RAB22A: variants seen among roughly 807,000 people sequenced by gnomAD.
The protein encoded by RAB22A is ras-related protein Rab-22A.
A neutral mutation model predicts 30.2 loss-of-function variants in RAB22A; 13 were observed. The observed-to-expected ratio is 0.43, with a 90% CI of 0.28 to 0.68. The LOEUF is 0.68. Ranked by LOEUF, RAB22A falls within the 30% of genes least tolerant of loss-of-function variation. The probability of loss-of-function intolerance (pLI) is 0.18; values close to 1 mark genes in which losing one functional copy is unlikely to be tolerated. For missense variants in RAB22A, 177 were observed against 246.8 expected (o/e 0.72, Z 1.89); for synonymous variants, 89 against 87.2 (o/e 1.02, Z -0.11).
chr20:58,336,006 G>A (rs1287811029), intron 2 of RAB22A, among the ~76,000 whole-genome samples: 1 of 151,290 alleles, frequency 6.6e-6, no homozygotes, highest in Admixed American at 6.6e-5. Flanking sequence ...TGTTTTCTTT[G>A]TTTGTTTGTT....
At chr20:58,326,542 T>C (rs1986572898) in intron 2 of RAB22A, among the ~76,000 whole-genome samples, 1 of 152,220 alleles carries the variant, frequency 6.6e-6, no homozygotes, top group Admixed American at 6.5e-5. Context: ...CTTATATGGA[T>C]AGACCATAAT....
At chr20:58,325,791 T>C (rs2122937053) in intron 2 of RAB22A, among the ~76,000 whole-genome samples, 1 of 152,336 alleles carries the variant, frequency 6.6e-6, no homozygotes, top group South Asian at 2.1e-4. Flanking sequence ...GTTCCATGTT[T>C]ATTTGAAAAG....
chr20:58,354,703 G>A (rs1987104851), intron 6 of RAB22A, among the ~76,000 whole-genome samples: 1 of 152,172 alleles, frequency 6.6e-6, no homozygotes, highest in African/African-American at 2.4e-5. Context: ...CTTTCCAGAA[G>A]TGTTAATATG....
chr20:58,313,594 C>T (rs1986274297), intron 2 of RAB22A, among the ~76,000 whole-genome samples: 1 of 152,216 alleles, frequency 6.6e-6, no homozygotes, highest in East Asian at 1.9e-4. Flanking sequence ...CTTCAGCCCT[C>T]CGTCATCTCA....
chr20:58,353,778 C>T (rs1378576529), intron 5 of RAB22A, among the ~76,000 whole-genome samples: 2 of 152,194 alleles, frequency 1.3e-5, no homozygotes, highest in Admixed American at 6.5e-5. Context: ...TTGCATCCAA[C>T]ATTATCTGAG....
At chr20:58,321,395 C>T (rs191634729) in intron 2 of RAB22A, among the ~76,000 whole-genome samples, 80 of 151,996 alleles carry the variant, frequency 5.3e-4, no homozygotes, top group Admixed American at 9.8e-4. Flanking sequence ...GGTCAGAGAA[C>T]ATACTCAGTA....
chr20:58,330,532 C>A lies in RAB22A; in HGVS notation c.117-13186C>A, dbSNP rs565488552. The stretch of plus-strand genomic sequence containing the variant: ...TGTACTGGACACTGCAGAAGATACG[C>A]TGCAAAGATTTTAGATTTTCGTATC... On this transcript the variant is annotated intron_variant, in intron 2 of 6. Coordinates refer to ENST00000244040, the MANE Select transcript of RAB22A (RefSeq NM_020673.3). Among the ~76,000 whole-genome samples the A allele has an allele frequency of 2.0e-5, 3 of 152,184 alleles. No homozygotes were observed. The East Asian group carries it at 5.8e-4, about 29-fold the overall frequency.
At chr20:58,341,913 G>A (rs1192910783) in intron 2 of RAB22A, among the ~76,000 whole-genome samples, 1 of 152,192 alleles carries the variant, frequency 6.6e-6, no homozygotes, top group Non-Finnish European at 1.5e-5. Flanking sequence ...TTGGATGCCT[G>A]TTGTCACTCA....
intron 2 of RAB22A, among the ~76,000 whole-genome samples, chr20:58,317,683 C>G (rs943406479): frequency 6.6e-6 from 1 of 151,118 alleles, no homozygotes; most frequent in South Asian, 2.1e-4. Flanking sequence ...CTCAGCCTCC[C>G]GAGTAGCTGG....
At chr20:58,326,492 GT>G (rs1227577786) in intron 2 of RAB22A, among the ~76,000 whole-genome samples, 19 of 151,924 alleles carry the variant, frequency 1.3e-4, no homozygotes, top group Non-Finnish European at 2.2e-4. Context: ...TTGTTTGTTT[GT>G]TTTGTTTTGT....
chr20:58,325,581 T>G (rs934117850), intron 2 of RAB22A, among the ~76,000 whole-genome samples: 2 of 152,272 alleles, frequency 1.3e-5, no homozygotes, highest in Non-Finnish European at 2.9e-5. Flanking sequence ...CAGTTTCTAT[T>G]TTGATTTTAT....
At chr20:58,321,143 ACTGCGCCACTGCCCTCCAGC>A (rs1203618074) in intron 2 of RAB22A, among the ~76,000 whole-genome samples, 2 of 151,214 alleles carry the variant, frequency 1.3e-5, no homozygotes, top group Non-Finnish European at 2.9e-5. Flanking sequence ...TGAGCCCGAG[ACTGCGCCACTGCCCTCCAGC>A]CTGGTGACAG....
At chr20:58,336,291 T>C (rs1986751765) in intron 2 of RAB22A, among the ~76,000 whole-genome samples, 1 of 152,178 alleles carries the variant, frequency 6.6e-6, no homozygotes, top group Non-Finnish European at 1.5e-5. Context: ...GGATTACGGG[T>C]ATGAGCCACG....
chr20:58,336,110 A>G (rs1294340665), intron 2 of RAB22A, among the ~76,000 whole-genome samples: 2 of 152,110 alleles, frequency 1.3e-5, no homozygotes, highest in South Asian at 2.1e-4. Context: ...CCTGGGTTCA[A>G]GCGATTCTCC....
At chr20:58,315,284 G>C (rs556933) in intron 2 of RAB22A, among the ~76,000 whole-genome samples, 80,996 of 151,894 alleles carry the variant, frequency 0.53, 23,003 homozygotes, top group African/African-American at 0.73. Flanking sequence ...CACCTCCCTC[G>C]GACACCTCAC....
At chr20:58,318,584 T>C (rs1568864379) in intron 2 of RAB22A, among the ~76,000 whole-genome samples, 1 of 152,228 alleles carries the variant, frequency 6.6e-6, no homozygotes, top group East Asian at 1.9e-4. Flanking sequence ...GAAACACTTC[T>C]GGTCAGCATT....
intron 5 of RAB22A, 118 bp from the exon 6 acceptor site, chr20:58,354,038 T>G: frequency 1.6e-6 from 1 of 639,928 alleles, no homozygotes; most frequent in Non-Finnish European, 2.7e-6. Flanking sequence ...TCAGGGCCCA[T>G]CCAGCAGCCA....
intron 2 of RAB22A, among the ~76,000 whole-genome samples, chr20:58,324,335 A>ATG (rs1761025428): frequency 1.3e-5 from 2 of 151,292 alleles, no homozygotes; most frequent in African/African-American, 4.9e-5. Flanking sequence ...TGACTCTTTC[A>ATG]TATACGTTTT....
In RAB22A at chr20:58,338,227, A is replaced by G. The variant is rs11086640; in HGVS notation, c.117-5491A>G. Among the ~76,000 whole-genome samples the G allele has an allele frequency of 7.4e-4, 113 of 152,164 alleles. No homozygotes were observed. The East Asian group carries it at 0.019, about 26-fold the overall frequency. On this transcript the variant is annotated intron_variant, in intron 2 of 6. Coordinates refer to ENST00000244040, the MANE Select transcript of RAB22A (RefSeq NM_020673.3). ...TTTTTAGTAGAGACGAGGTTTCACCATGTTGGTCAAACTGGTCTTGAACTC... is the reference window on the plus strand; with the variant it reads ...TTTTTAGTAGAGACGAGGTTTCACCGTGTTGGTCAAACTGGTCTTGAACTC...
Sources: gnomAD v4.1 joint callset for allele counts (sites outside exome capture counted in the v4.1 genomes callset) on GRCh38, gnomAD v4.1.1 for gene constraint, MANE v1.5 for transcripts, NCBI Gene and HGNC (gene_info 2026-07-23, HGNC 2026-07-21) for gene names.